ARB2A: variants seen among roughly 807,000 people sequenced by gnomAD.
The protein encoded by ARB2A is cotranscriptional regulator ARB2A.
the ARB2A span, among the ~76,000 whole-genome samples, chr5:93,931,677 C>T: frequency 2.0e-5 from 3 of 151,786 alleles, no homozygotes; most frequent in East Asian, 5.8e-4. Flanking sequence ...TACAAAAGTA[C>T]TAAGTGTACA....
the ARB2A span, among the ~76,000 whole-genome samples, chr5:94,094,865 A>C: frequency 6.6e-6 from 1 of 152,186 alleles, no homozygotes; most frequent in Non-Finnish European, 1.5e-5. Flanking sequence ...TTATATTCCC[A>C]GTTACAGTTT....
the ARB2A span, among the ~76,000 whole-genome samples, chr5:93,807,657 C>T: frequency 5.3e-5 from 8 of 152,038 alleles, no homozygotes; most frequent in Non-Finnish European, 1.5e-5. Context: ...AAGAGATCAT[C>T]TTTAAAGAAA....
the ARB2A span, among the ~76,000 whole-genome samples, chr5:93,895,459 T>C: frequency 6.6e-6 from 1 of 152,210 alleles, no homozygotes; most frequent in East Asian, 1.9e-4. Flanking sequence ...TTAATTTGTA[T>C]ATATTTTCAA....
At chr5:94,068,862 C>CA in the ARB2A span, among the ~76,000 whole-genome samples, 6,700 of 62,316 alleles carry the variant, frequency 0.11, 214 homozygotes, top group East Asian at 0.16. Context: ...ACTAAAAATA[C>CA]AAAAAAAAAA....
At chr5:94,108,879 T>C in the ARB2A span, among the ~76,000 whole-genome samples, 13,962 of 152,110 alleles carry the variant, frequency 0.092, 793 homozygotes, top group Middle Eastern at 0.16. Context: ...TATAGATATA[T>C]ATACATATAA....
chr5:93,942,238 T>A, the ARB2A span, among the ~76,000 whole-genome samples: 1 of 152,196 alleles, frequency 6.6e-6, no homozygotes, highest in South Asian at 2.1e-4. Flanking sequence ...TTTGCTGGCA[T>A]GGGGCTGGGG....
the ARB2A span, among the ~76,000 whole-genome samples, chr5:93,761,418 G>A: frequency 1.1e-4 from 17 of 152,302 alleles, no homozygotes; most frequent in South Asian, 4.1e-4. Flanking sequence ...TATCCCGCAC[G>A]TGGCTCAGAG....
chr5:94,006,701 ATTCT>A, the ARB2A span, among the ~76,000 whole-genome samples: 1 of 152,202 alleles, frequency 6.6e-6, no homozygotes, highest in Non-Finnish European at 1.5e-5. Flanking sequence ...TGGTACTAAT[ATTCT>A]TTATTTTAAT....
chr5:93,720,747 T>C, the ARB2A span, among the ~76,000 whole-genome samples: 63 of 152,306 alleles, frequency 4.1e-4, no homozygotes, highest in Admixed American at 4.1e-3. Flanking sequence ...GTGAGAAAAC[T>C]ATATACCCAT....
the ARB2A span, among the ~76,000 whole-genome samples, chr5:93,843,806 T>C: frequency 6.6e-6 from 1 of 151,832 alleles, no homozygotes; most frequent in Non-Finnish European, 1.5e-5. Flanking sequence ...AGAAAAGTAA[T>C]AAACCAGGTA....
the ARB2A span, among the ~76,000 whole-genome samples, chr5:93,816,834 A>G: frequency 2.8e-4 from 43 of 152,304 alleles, no homozygotes; most frequent in Non-Finnish European, 5.1e-4. Context: ...AAACAATCAC[A>G]ACTAATATCA....
the ARB2A span, among the ~76,000 whole-genome samples, chr5:93,677,459 C>T: frequency 1.3e-5 from 2 of 152,198 alleles, no homozygotes; most frequent in Non-Finnish European, 2.9e-5. Context: ...CTGATCATAG[C>T]CGCTCAGGCA....
chr5:93,655,923 T>C, the ARB2A span, among the ~76,000 whole-genome samples: 1 of 152,198 alleles, frequency 6.6e-6, no homozygotes, highest in Admixed American at 6.5e-5. Context: ...ATATACGAAA[T>C]CATTTATTTG....
At chr5:93,961,902 G>A in the ARB2A span, among the ~76,000 whole-genome samples, 2 of 152,162 alleles carry the variant, frequency 1.3e-5, no homozygotes, top group African/African-American at 4.8e-5. Context: ...GGTAAGAGCA[G>A]TATTTTAGCT....
the ARB2A span, among the ~76,000 whole-genome samples, chr5:93,657,447 G>C: frequency 2.0e-5 from 3 of 152,092 alleles, no homozygotes; most frequent in African/African-American, 7.2e-5. Flanking sequence ...AAATATATTA[G>C]AAAAATGGTT....
chr5:93,857,454 G>A, the ARB2A span, among the ~76,000 whole-genome samples: 16 of 152,080 alleles, frequency 1.1e-4, no homozygotes, highest in South Asian at 2.1e-4. Flanking sequence ...CGAGCTTCCC[G>A]ACTGTTTTGT....
At chr5:93,727,268 T>C in the ARB2A span, among the ~76,000 whole-genome samples, 2 of 151,982 alleles carry the variant, frequency 1.3e-5, no homozygotes, top group Non-Finnish European at 1.5e-5. Context: ...AGCAGAAGCA[T>C]TGGACAATAA....
At chr5:93,740,859 G>T in the ARB2A span, 1 of 1,613,978 alleles carries the variant, frequency 6.2e-7, no homozygotes, top group East Asian at 2.2e-5. Flanking sequence ...GCTGGGGTGT[G>T]GGCTTAGGGC....
At chr5:93,850,328 G>C in the ARB2A span, among the ~76,000 whole-genome samples, 1 of 152,164 alleles carries the variant, frequency 6.6e-6, no homozygotes, top group African/African-American at 2.4e-5. Flanking sequence ...TCAATAATTT[G>C]GATCTAAGGA....
Sources: allele counts gnomAD v4.1 joint callset (sites outside exome capture counted in the v4.1 genomes callset), GRCh38; gene constraint gnomAD v4.1.1; transcripts MANE v1.5; gene names NCBI Gene and HGNC (gene_info 2026-07-23, HGNC 2026-07-21).